The following RYK variants were observed in gnomAD, a reference collection of about 807,000 sequenced individuals.
RYK encodes the protein receptor like tyrosine kinase.
A neutral mutation model predicts 70.2 loss-of-function variants in RYK; 21 were observed. The observed-to-expected ratio is 0.30, with a 90% CI of 0.21 to 0.43. RYK has a LOEUF of 0.43. RYK is among the 20% of genes least tolerant of loss of function. The probability of loss-of-function intolerance (pLI) is 1.00; values close to 1 mark genes in which losing one functional copy is unlikely to be tolerated. For synonymous variants in RYK, 267 were observed against 278.0 expected (o/e 0.96, Z 0.39); for missense variants, 604 against 753.3 (o/e 0.80, Z 2.32).
intron 13 of RYK, among the ~76,000 whole-genome samples, chr3:134,174,888 C>A (rs1038733047): frequency 2.0e-5 from 3 of 151,850 alleles, no homozygotes; most frequent in Admixed American, 6.6e-5. Flanking sequence ...TAGAAGAGGT[C>A]ACCTGAAAAA....
intron 1 of RYK, among the ~76,000 whole-genome samples, chr3:134,248,072 C>T (rs2015511284): frequency 1.3e-5 from 2 of 152,254 alleles, no homozygotes; most frequent in South Asian, 2.1e-4. Flanking sequence ...TCTTCCCTAC[C>T]TGGAGGAGCC....
intron 13 of RYK, among the ~76,000 whole-genome samples, chr3:134,165,125 T>C (rs868421093): frequency 3.9e-5 from 6 of 152,348 alleles, no homozygotes; most frequent in South Asian, 4.1e-4. Flanking sequence ...TTTTGTCAGA[T>C]TTATTCCTGA....
At chr3:134,190,162 T>C (rs1177762675) in intron 8 of RYK, among the ~76,000 whole-genome samples, 1 of 152,214 alleles carries the variant, frequency 6.6e-6, no homozygotes, top group East Asian at 1.9e-4. Context: ...TAAGACATTT[T>C]GCTTGAAGCT....
chr3:134,165,850 T>C (rs1435706749), intron 13 of RYK, among the ~76,000 whole-genome samples: 1 of 152,240 alleles, frequency 6.6e-6, no homozygotes, highest in Non-Finnish European at 1.5e-5. Context: ...CACTGTATTT[T>C]TGAAGCACAT....
chr3:134,222,216 G>T (rs2014760968), intron 2 of RYK, among the ~76,000 whole-genome samples: 1 of 152,216 alleles, frequency 6.6e-6, no homozygotes. Flanking sequence ...TTAAATGATA[G>T]CCACCTTCGT....
rs758879975 is a variant in RYK at position 134,158,159 on chromosome 3, G to A, written c.1818C>T (p.Tyr606=). 4.7e-6 allele frequency: 7 copies of A among 1,489,488 alleles called. No individual in the cohort carries two copies. Among genetic ancestry groups the A allele is most frequent in the East Asian group, 5.0e-5 (2 of 39,964 alleles). 92.3% of individuals were successfully genotyped at this position (1,489,488 alleles called of 1,614,324 possible). ...LTEFHAALGA[Y]V ...GTGTGGGATTGGAGAGGAGTCAGAC[G>A]TAGGCCCCCAGGGCTGCATGAAACT... The change falls in exon 15 of 15, where the codon TAC becomes TAT. Residue 606 remains tyrosine (Y), a synonymous_variant. Transcript: ENST00000623711.
chr3:134,210,029 C>T (rs1301727128), intron 3 of RYK, among the ~76,000 whole-genome samples, 200 bp from the exon 4 acceptor site: 1 of 152,160 alleles, frequency 6.6e-6, no homozygotes, highest in African/African-American at 2.4e-5. Flanking sequence ...GCATTTAATT[C>T]ATTATGGATA....
intron 13 of RYK, among the ~76,000 whole-genome samples, chr3:134,169,055 T>G (rs1005976946): frequency 1.3e-5 from 2 of 152,186 alleles, no homozygotes; most frequent in Non-Finnish European, 2.9e-5. Context: ...AAATAAATAA[T>G]GTAAAGGCAC....
At chr3:134,238,877 T>C (rs1472757449) in intron 1 of RYK, among the ~76,000 whole-genome samples, 1 of 152,114 alleles carries the variant, frequency 6.6e-6, no homozygotes, top group Non-Finnish European at 1.5e-5. Flanking sequence ...GGAAAAAAAA[T>C]TAGAAATTGT....
At chr3:134,204,905 G>A (rs1304549490) in intron 5 of RYK, among the ~76,000 whole-genome samples, 1 of 151,998 alleles carries the variant, frequency 6.6e-6, no homozygotes, top group Non-Finnish European at 1.5e-5. Flanking sequence ...GTGTAGGGGA[G>A]CAAGAGCAGA....
intron 2 of RYK, among the ~76,000 whole-genome samples, chr3:134,217,444 C>T (rs1342095369): frequency 3.3e-5 from 5 of 152,174 alleles, no homozygotes; most frequent in Non-Finnish European, 5.9e-5. Context: ...CTACCTTAAG[C>T]AAATCCCTTT....
chr3:134,250,600 G>A lies in RYK; in HGVS notation c.55C>T (p.Arg19Cys). The change falls in exon 1 of 15, where the codon CGC becomes TGC. Residue 19 changes from arginine to cysteine, a missense_variant. Physicochemically the swap from Arg to Cys is radical, Grantham distance 180. Around this residue, in one of 2 missense-constraint regions of RYK, gnomAD observed 466 missense variants for 535.9 expected, o/e 0.87. Coordinates refer to ENST00000623711, the MANE Select transcript of RYK (RefSeq NM_002958.4). ...GGCGGCGGCGGGGCCCTCAGGCCGCGGGCCCCCGGGAGGCAACTCCGGCCC... is the reference window on the plus strand; with the variant it reads ...GGCGGCGGCGGGGCCCTCAGGCCGCAGGCCCCCGGGAGGCAACTCCGGCCC... ...RPGRSCLPGA[R>C]GLRAPPPPPL... is the part of the protein sequence containing the mutation. 9.5e-7 allele frequency: 1 copy of A among 1,053,956 alleles called. No individual in the cohort carries two copies. Among genetic ancestry groups the A allele is most frequent in the Non-Finnish European group, 1.2e-6 (1 of 868,894 alleles). 65.3% of individuals were successfully genotyped at this position (1,053,956 alleles called of 1,614,324 possible). A position where few individuals can be genotyped will look rare whatever the true frequency, so the allele number is the denominator to read the frequency against.
intron 7 of RYK, among the ~76,000 whole-genome samples, chr3:134,194,179 T>C (rs998543509): frequency 2.0e-5 from 3 of 152,216 alleles, no homozygotes; most frequent in Middle Eastern, 3.2e-3. Flanking sequence ...TTTTCTCTCA[T>C]CCACCAGCAC....
chr3:134,250,334 G>A, intron 1 of RYK, 89 bp downstream of exon 1: 2 of 734,876 alleles, frequency 2.7e-6, no homozygotes, highest in Non-Finnish European at 3.7e-6. Context: ...CTCGCCCGAG[G>A]TCCACGGCTC....
intron 2 of RYK, among the ~76,000 whole-genome samples, chr3:134,219,349 G>T (rs1037725115): frequency 6.6e-6 from 1 of 152,108 alleles, no homozygotes; most frequent in Non-Finnish European, 1.5e-5. Context: ...TGTTTTAAAG[G>T]AATCAGTAAA....
chr3:134,176,123 C>T (rs2013092033), intron 11 of RYK, 84 bp from the exon 12 acceptor site: 8 of 812,278 alleles, frequency 9.8e-6, no homozygotes, highest in South Asian at 9.4e-5. Context: ...CACAATCCTA[C>T]TCCATCCAAA....
chr3:134,192,109 A>G (rs1314053288), intron 7 of RYK, 135 bp from the exon 8 acceptor site: 2 of 803,436 alleles, frequency 2.5e-6, no homozygotes, highest in Non-Finnish European at 3.9e-6. Flanking sequence ...ACAGGCATAT[A>G]TATGAACTAG....
In RYK at chr3:134,250,827, GCCT is replaced by G. The variant is rs1219152753; in HGVS notation, c.-176_-174del. On this transcript the variant is annotated 5_prime_UTR_variant, in exon 1 of 15. Transcript: ENST00000623711. Reference sequence around the variant, plus strand: ...ACCTCCGGAGCGCGCCGCCGCCGCCGCCTCCTCGCTGCATCGTCCGGAGTTGGG... The same window carrying G: ...ACCTCCGGAGCGCGCCGCCGCCGCCGCCTCGCTGCATCGTCCGGAGTTGGG... 1 of 148,446 alleles carries G rather than the reference GCCT, an allele frequency of 6.7e-6. No homozygotes were observed. The highest frequency in any genetic ancestry group is 1.4e-5 in the Non-Finnish European group (1 of 72,800). The allele number at this position is 148,446 out of a possible 1,614,324, so 9.2% of individuals were successfully genotyped here.
At chr3:134,214,868 A>G (rs912530542) in intron 2 of RYK, among the ~76,000 whole-genome samples, 5 of 152,120 alleles carry the variant, frequency 3.3e-5, no homozygotes. Flanking sequence ...TATTCTTTTC[A>G]TTCTAGTCCC....
Sources: allele counts gnomAD v4.1 joint callset (sites outside exome capture counted in the v4.1 genomes callset), GRCh38; gene constraint gnomAD v4.1.1; regional missense constraint gnomAD v4.1.1; transcripts MANE v1.5; gene names NCBI Gene and HGNC (gene_info 2026-07-23, HGNC 2026-07-21).